Variants in SLC47A2 observed in about 807,000 individuals in gnomAD.
SLC47A2 encodes the protein multidrug and toxin extrusion protein 2.
SLC47A2 carries 52 observed loss-of-function variants against 67.7 expected under a neutral mutation model. The observed-to-expected ratio is 0.77, with a 90% CI of 0.61 to 0.97. The LOEUF (loss-of-function observed/expected upper bound fraction) is 0.97, where lower values mean the gene tolerates loss of function less well. Ranked by LOEUF, SLC47A2 falls within the 50% of genes least tolerant of loss-of-function variation. The pLI is 0.00. For synonymous variants in SLC47A2, 278 were observed against 292.9 expected (o/e 0.95, Z 0.52); for missense variants, 676 against 712.3 (o/e 0.95, Z 0.58).
At chr17:19,692,536 A>G (rs1378113241) in intron 13 of SLC47A2, among the ~76,000 whole-genome samples, 4 of 152,342 alleles carry the variant, frequency 2.6e-5, no homozygotes, top group African/African-American at 9.6e-5. Flanking sequence ...AATAGATTGA[A>G]TTTATAATTT....
At chr17:19,714,907 C>T (rs893390828) in intron 2 of SLC47A2, 118 bp from the exon 3 acceptor site, 1 of 1,436,486 alleles carries the variant, frequency 7.0e-7, no homozygotes, top group Non-Finnish European at 9.7e-7. Flanking sequence ...GTGGCAGAGG[C>T]TCTGCTCAGC....
chr17:19,704,822 CTTTTTTTTTTTTT>C (rs6146013), intron 10 of SLC47A2: 3,691 of 274,270 alleles, frequency 0.013, 133 homozygotes, highest in African/African-American at 0.099. Flanking sequence ...ATGGAATGTG[CTTTTTTTTTTTTT>C]TTTTTTTTGA....
At chr17:19,708,484 C>T in intron 6 of SLC47A2, 85 bp from the exon 7 acceptor site, 1 of 1,614,072 alleles carries the variant, frequency 6.2e-7, no homozygotes, top group Non-Finnish European at 8.5e-7. Context: ...ATGGGGACTC[C>T]TCCTCCTGCC....
At position 19,705,320 on chromosome 17, in the gene SLC47A2, C is replaced by T. The variant is rs566564574; in HGVS notation, c.909+116G>A. 1.2e-4 allele frequency: 143 copies of T among 1,165,478 alleles called. 1 individual carries two copies. In the South Asian group the frequency reaches 1.5e-3, roughly 12 times the overall value. 72.2% of individuals were successfully genotyped at this position (1,165,478 alleles called of 1,614,324 possible). A position where few individuals can be genotyped will look rare whatever the true frequency, so the allele number is the denominator to read the frequency against. ...CTGGACCTGGTGGGCACGAGAGGCC[C>T]GGGGAGGGTCCTTCGGGAGACAGAG... On this transcript the variant is annotated intron_variant, in intron 10 of 16. Transcript: ENST00000433844.
At chr17:19,698,983 C>G (rs1012903808) in intron 13 of SLC47A2, among the ~76,000 whole-genome samples, 29 of 152,092 alleles carry the variant, frequency 1.9e-4, no homozygotes, top group Admixed American at 1.9e-3. Flanking sequence ...AATTCTCTGC[C>G]GTTTTATATC....
chr17:19,684,696 A>C (rs1269596416), intron 13 of SLC47A2, among the ~76,000 whole-genome samples: 1 of 132,552 alleles, frequency 7.5e-6, no homozygotes, highest in Non-Finnish European at 1.6e-5. Context: ...CTCTTTCTAC[A>C]AAAAAAAAAA....
Position 19,714,750 on chromosome 17 carries a change from A to G in SLC47A2, c.265T>C (p.Ser89Pro). 6.2e-7 allele frequency: 1 copy of G among 1,614,122 alleles called. No homozygotes were observed. The highest frequency in any genetic ancestry group is 8.5e-7 in the Non-Finnish European group (1 of 1,180,050). ...GACATCAAGGTGTCACATGCCGAAG[A>G]CAAACCAACTCCTACAGAAACTCCG... Reference protein sequence around the residue: ...VCGVSVGVGLSSACDTLMSQS... With the variant: ...VCGVSVGVGLPSACDTLMSQS... The change falls in exon 3 of 17, where the codon TCT (serine) becomes CCT (proline). Residue 89 changes from serine (S) to proline (P), a missense_variant. Ser to Pro is a moderately conservative substitution (Grantham distance 74). Coordinates refer to ENST00000433844, the MANE Select transcript of SLC47A2 (RefSeq NM_001099646.3).
chr17:19,705,314 G>C (rs879308760), intron 10 of SLC47A2, 122 bp downstream of exon 10: 21 of 1,053,836 alleles, frequency 2.0e-5, no homozygotes, highest in Admixed American at 7.0e-5. Flanking sequence ...GTGGGCACGA[G>C]AGGCCCGGGG....
At chr17:19,690,841 G>C (rs1006369312) in intron 13 of SLC47A2, among the ~76,000 whole-genome samples, 1 of 151,962 alleles carries the variant, frequency 6.6e-6, no homozygotes, top group African/African-American at 2.4e-5. Context: ...CCCCTTGGCC[G>C]GGCACGGTGG....
At chr17:19,684,927 C>G (rs2085392586) in intron 13 of SLC47A2, among the ~76,000 whole-genome samples, 1 of 152,154 alleles carries the variant, frequency 6.6e-6, no homozygotes. Context: ...TTCACTGCAA[C>G]CTCCCTGCCT....
At chr17:19,716,684 G>GA (rs1567641546), upstream of SLC47A2, 89 of 1,358,024 alleles carry the variant, frequency 6.6e-5, no homozygotes, top group Non-Finnish European at 3.2e-5. Context: ...GCAGGAGGAG[G>GA]GGCTACCATG....
chr17:19,705,894 C>T (rs751127648), intron 9 of SLC47A2, among the ~76,000 whole-genome samples: 7 of 152,210 alleles, frequency 4.6e-5, no homozygotes, highest in Non-Finnish European at 1.0e-4. Flanking sequence ...CCACTGAGCC[C>T]GGCTGATTTT....
intron 8 of SLC47A2, 24 bp downstream of exon 8, chr17:19,707,722 C>G (rs1376430263): frequency 1.3e-6 from 2 of 1,560,180 alleles, no homozygotes; most frequent in Admixed American, 3.8e-5. Flanking sequence ...TGCTCAGCCT[C>G]CCAGAGCAGG....
Position 19,685,494 on chromosome 17 carries a change from C to T in SLC47A2, c.1165-3824G>A, listed in dbSNP as rs2085409381. Reference sequence around the variant, plus strand: ...AGTGAGGAGTGCCTCTGCCCAGTCGCCCCATCTGGGAGGTGAGGAGCGCCT... The same window carrying T: ...AGTGAGGAGTGCCTCTGCCCAGTCGTCCCATCTGGGAGGTGAGGAGCGCCT... On this transcript the variant is annotated intron_variant, in intron 13 of 16. Transcript: ENST00000433844. The surrounding 1 kb of genome is among the most constrained non-coding windows in gnomAD (Gnocchi z 4.5). 6.6e-6 allele frequency among the ~76,000 whole-genome samples: 1 copy of T among 152,114 alleles called. No homozygotes were observed. The highest frequency in any genetic ancestry group is 2.4e-5 in the African/African-American group (1 of 41,408).
Position 19,715,198 on chromosome 17 carries a change from G to A in SLC47A2, c.143C>T (p.Thr48Ile). 1 of 1,610,818 alleles carries A rather than the reference G, an allele frequency of 6.2e-7. No individual in the cohort carries two copies. The highest frequency in any genetic ancestry group is 1.1e-5 in the South Asian group (1 of 91,088). ...SGPLFLFQVLTFMIYIVSTVF... is the reference protein window; with the variant it reads ...SGPLFLFQVLIFMIYIVSTVF... ...AGTGCTCACGATGTAGATCATAAAA[G>A]TCAGCACCTGGAACAGGAACTGGAG... Residue 48 changes from threonine (T) to isoleucine (I), a missense_variant, in exon 2 of 17, where the codon ACT (threonine) becomes ATT (isoleucine). Physicochemically the swap from Thr to Ile is moderately conservative, Grantham distance 89. Coordinates refer to ENST00000433844, the MANE Select transcript of SLC47A2 (RefSeq NM_001099646.3).
At chr17:19,687,760 G>A (rs537309173) in intron 13 of SLC47A2, among the ~76,000 whole-genome samples, 2 of 152,222 alleles carry the variant, frequency 1.3e-5, no homozygotes, top group African/African-American at 4.8e-5. Context: ...TAAATTCCTA[G>A]ACACATACAA....
intron 13 of SLC47A2, among the ~76,000 whole-genome samples, chr17:19,701,363 T>C (rs953468229): frequency 1.3e-5 from 2 of 152,118 alleles, no homozygotes; most frequent in Non-Finnish European, 2.9e-5. Context: ...TATTCAAAAA[T>C]AAATCCTAGA....
At chr17:19,706,827 T>G in intron 8 of SLC47A2, 66 bp from the exon 9 acceptor site, 1 of 1,281,778 alleles carries the variant, frequency 7.8e-7, no homozygotes, top group Non-Finnish European at 1.1e-6. Flanking sequence ...TGCTCCCCAC[T>G]GCCAGGAGGC....
intron 13 of SLC47A2, among the ~76,000 whole-genome samples, chr17:19,691,428 T>C (rs2085538220): frequency 1.3e-5 from 2 of 152,138 alleles, no homozygotes; most frequent in Non-Finnish European, 2.9e-5. Context: ...TAAAAAGGAA[T>C]AGGATCCTGT....
Sources: gnomAD v4.1 joint callset for allele counts (sites outside exome capture counted in the v4.1 genomes callset) on GRCh38, gnomAD v4.1.1 for gene constraint, Gnocchi (gnomAD v3.1) non-coding constraint, MANE v1.5 for transcripts, NCBI Gene and HGNC (gene_info 2026-07-23, HGNC 2026-07-21) for gene names.